The following UPK1B variants were observed in gnomAD, a reference collection of about 807,000 sequenced individuals.
UPK1B encodes uroplakin 1B, also known as uroplakin-1b.
Under a neutral mutation model 34.2 loss-of-function variants are expected in UPK1B, and 28 were observed. The observed-to-expected ratio is 0.82, with a 90% CI of 0.61 to 1.12. The LOEUF (loss-of-function observed/expected upper bound fraction) is 1.12. UPK1B is among the 50% of genes most tolerant of loss of function. The pLI is 0.00. For synonymous variants in UPK1B, 81 were observed against 110.4 expected (o/e 0.73, Z 1.67); for missense variants, 325 against 320.9 (o/e 1.01, Z -0.10).
chr3:119,179,805 CTTTTTTTT>C lies in UPK1B; in HGVS notation c.-29+6197_-29+6204del, dbSNP rs869040325. 5.3e-3 allele frequency among the ~76,000 whole-genome samples: 268 copies of C among 50,576 alleles called. 44 individuals carry two copies. Among genetic ancestry groups the C allele is most frequent in the African/African-American group, 7.0e-3 (84 of 12,036 alleles). 33.2% of individuals were successfully genotyped at this position (50,576 alleles called of 152,430 possible). Reference sequence around the variant, plus strand: ...TACAGGCGTGAGCCACCACGCCCGGCTTTTTTTTTTTTTTTTTTTTTTTTTTTTTTTTT... The same window carrying C: ...TACAGGCGTGAGCCACCACGCCCGGCTTTTTTTTTTTTTTTTTTTTTTTTT... On this transcript the variant is annotated intron_variant, in intron 1 of 7. Coordinates refer to ENST00000264234, the MANE Select transcript of UPK1B (RefSeq NM_006952.4).
chr3:119,199,124 C>T lies in UPK1B; in HGVS notation c.716C>T (p.Ala239Val). 1 of 1,614,144 alleles carries T rather than the reference C, an allele frequency of 6.2e-7. No individual in the cohort carries two copies. Among genetic ancestry groups the T allele is most frequent in the South Asian group, 1.1e-5 (1 of 91,082 alleles). The change falls in exon 7 of 8, where the codon GCC becomes GTC. Residue 239 changes from alanine to valine, a missense_variant. By Grantham distance (64) the Ala-to-Val change is moderately conservative. Transcript: ENST00000264234. ...HAWGVAWFGF[A>V]ILCWTFWVLL... ...TGGGGGGTTGCCTGGTTTGGATTTG[C>T]CATTCTCTGCTGGACTGTGAGTATT...
rs978416578 is a variant in UPK1B, at chr3:119,204,089, G to C, written c.*122G>C. On this transcript the variant is annotated 3_prime_UTR_variant, in exon 8 of 8. Transcript: ENST00000264234. Reference sequence around the variant, plus strand: ...TAACGTGTGTGTCTTACATTGCCAAGTCAGATGGTACGGACTTCCTTTAGG... The same window carrying C: ...TAACGTGTGTGTCTTACATTGCCAACTCAGATGGTACGGACTTCCTTTAGG... 39 of 1,133,364 alleles carry C rather than the reference G, an allele frequency of 3.4e-5. No homozygotes were observed. The African/African-American group carries it at 4.9e-4, about 14-fold the overall frequency. The allele number at this position is 1,133,364 out of a possible 1,614,324, so 70.2% of individuals were successfully genotyped here.
rs2078113438 is a variant in UPK1B at position 119,205,007 on chromosome 3, T to C, written c.*1040T>C. ...GAGAGAAGCAAGCCAGCCAATAGAA[T>C]GGGGTGATTTACAGGGATTTCTGTT... On this transcript the variant is annotated 3_prime_UTR_variant, in exon 8 of 8. Coordinates refer to ENST00000264234, the MANE Select transcript of UPK1B (RefSeq NM_006952.4). The C allele has an allele frequency of 1.3e-5, 2 of 152,184 alleles. No individual in the cohort carries two copies. The highest frequency in any genetic ancestry group is 4.8e-5 in the African/African-American group (2 of 41,444). 9.4% of individuals were successfully genotyped at this position (152,184 alleles called of 1,614,324 possible). A position where few individuals can be genotyped will look rare whatever the true frequency, so the allele number is the denominator to read the frequency against.
intron 1 of UPK1B, among the ~76,000 whole-genome samples, chr3:119,174,580 T>TA (rs1456882249): frequency 1.3e-5 from 2 of 152,002 alleles, no homozygotes; most frequent in South Asian, 4.1e-4. Flanking sequence ...ATCCTGTCTC[T>TA]AAAAAAAATA....
Position 119,190,397 on chromosome 3 carries a change from G to A in UPK1B, c.345+78G>A, listed in dbSNP as rs997456251. On this transcript the variant is annotated intron_variant, in intron 4 of 7. Coordinates refer to ENST00000264234, the MANE Select transcript of UPK1B (RefSeq NM_006952.4). ...CCAACATGTATTAACCCCTTACTAT[G>A]TGCCCAGGCAATCCAATATGCACAG... 6 of 1,093,106 alleles carry A rather than the reference G, an allele frequency of 5.5e-6. No individual in the cohort carries two copies. In the Admixed American group the frequency reaches 9.2e-5, roughly 17 times the overall value. The allele number at this position is 1,093,106 out of a possible 1,614,324, so 67.7% of individuals were successfully genotyped here.
chr3:119,190,203 C>A, intron 3 of UPK1B, 42 bp from the exon 4 acceptor site: 1 of 1,444,632 alleles, frequency 6.9e-7, no homozygotes, highest in Non-Finnish European at 9.6e-7. Context: ...CGCTCTTTGA[C>A]GGGTAAATGT....
chr3:119,199,787 T>G (rs995410475), intron 7 of UPK1B, among the ~76,000 whole-genome samples: 2 of 152,234 alleles, frequency 1.3e-5, no homozygotes, highest in African/African-American at 4.8e-5. Flanking sequence ...AACCATTGCC[T>G]TAGAGAAGCA....
rs1403150906 is a variant in UPK1B, at chr3:119,204,244, T to G, written c.*277T>G. ...AACTACTTCCATCCCTGCTTATTTT[T>G]AATTTGGGAAAATAAATACATTCGA... On this transcript the variant is annotated 3_prime_UTR_variant, in exon 8 of 8. Transcript: ENST00000264234. 1.5e-5 allele frequency: 6 copies of G among 406,350 alleles called. No homozygotes were observed. Among genetic ancestry groups the G allele is most frequent in the Non-Finnish European group, 2.2e-5 (5 of 227,594 alleles). The allele number at this position is 406,350 out of a possible 1,614,324, so 25.2% of individuals were successfully genotyped here.
At chr3:119,188,260 T>C (rs527244138) in intron 3 of UPK1B, among the ~76,000 whole-genome samples, 1 of 152,156 alleles carries the variant, frequency 6.6e-6, no homozygotes, top group Non-Finnish European at 1.5e-5. Flanking sequence ...GGTGTCTGCA[T>C]ACACCCAGTA....
At chr3:119,193,644 T>C (rs2078053123) in intron 5 of UPK1B, among the ~76,000 whole-genome samples, 2 of 152,186 alleles carry the variant, frequency 1.3e-5, no homozygotes, top group African/African-American at 4.8e-5. Flanking sequence ...TTTAAATGTA[T>C]AGAAAAGCAA....
In UPK1B at chr3:119,187,893, T is replaced by C. The variant is rs199631618; in HGVS notation, c.188T>C (p.Ile63Thr). ...ATCTATGGGGCTGCCTGGATCGGCA[T>C]ATTTGTGGGCATCTGCCTCTTCTGC... ...DDIYGAAWIGIFVGICLFCLS... is the reference protein window; with the variant it reads ...DDIYGAAWIGTFVGICLFCLS... The change falls in exon 3 of 8, where the codon ATA becomes ACA. Residue 63 changes from isoleucine (I) to threonine (T), a missense_variant. Ile to Thr is a moderately conservative substitution (Grantham distance 89, BLOSUM62 -1). Coordinates refer to ENST00000264234, the MANE Select transcript of UPK1B (RefSeq NM_006952.4). 34 of 1,614,110 alleles carry C rather than the reference T, an allele frequency of 2.1e-5. No homozygotes were observed. In the East Asian group the frequency reaches 6.9e-4, roughly 33 times the overall value.
At chr3:119,202,076 A>AAGGGT (rs1447899147) in intron 7 of UPK1B, among the ~76,000 whole-genome samples, 1 of 152,202 alleles carries the variant, frequency 6.6e-6, no homozygotes, top group Non-Finnish European at 1.5e-5. Context: ...AAGGGAAGGG[A>AAGGGT]AGGGAATTAA....
At chr3:119,190,850 G>A in intron 4 of UPK1B, 132 bp from the exon 5 acceptor site, 1 of 1,277,844 alleles carries the variant, frequency 7.8e-7, no homozygotes, top group Non-Finnish European at 1.1e-6. Context: ...GCTGTACTTG[G>A]TGCCTCTGAG....
intron 1 of UPK1B, among the ~76,000 whole-genome samples, chr3:119,174,858 C>G (rs1163675551): frequency 6.8e-6 from 1 of 147,214 alleles, no homozygotes; most frequent in East Asian, 2.0e-4. Flanking sequence ...GTTTTGCTTT[C>G]TGCTATAAAA....
rs1277408532 is a variant in UPK1B at position 119,194,493 on chromosome 3, G to A, written c.648+95G>A. 5 of 1,151,840 alleles carry A rather than the reference G, an allele frequency of 4.3e-6. No individual in the cohort carries two copies. The African/African-American group carries it at 6.2e-5, about 14-fold the overall frequency. 71.4% of individuals were successfully genotyped at this position (1,151,840 alleles called of 1,614,324 possible). A position where few individuals can be genotyped will look rare whatever the true frequency, so the allele number is the denominator to read the frequency against. On this transcript the variant is annotated intron_variant, in intron 6 of 7. Transcript: ENST00000264234. The stretch of plus-strand genomic sequence containing the variant: ...CTGTAGGAAATAGTCTTTCAGTAAG[G>A]AATTCTACATTCTTTTCCCTAAACC...
At chr3:119,179,381 ATATATATATATATATAT>A (rs1430634282) in intron 1 of UPK1B, among the ~76,000 whole-genome samples, 11 of 87,704 alleles carry the variant, frequency 1.3e-4, no homozygotes, top group Non-Finnish European at 2.4e-4. Context: ...ATATATATAT[ATATATATATATATATAT>A]TAATTCTAAG....
At chr3:119,203,495 T>C (rs1344665537) in intron 7 of UPK1B, among the ~76,000 whole-genome samples, 1 of 152,206 alleles carries the variant, frequency 6.6e-6, no homozygotes, top group East Asian at 1.9e-4. Context: ...ATCATGTTTT[T>C]GCAGGGACAT....
In UPK1B at chr3:119,203,919, T is replaced by C; in HGVS notation, c.735T>C (p.Phe245=). 1 of 1,614,072 alleles carries C rather than the reference T, an allele frequency of 6.2e-7. No individual in the cohort carries two copies. Among genetic ancestry groups the C allele is most frequent in the East Asian group, 2.2e-5 (1 of 44,888 alleles). ...WFGFAILCWT[F]WVLLGTMFYW... Reference sequence around the variant, plus strand: ...TTCCTTGTTTTTTTCTATTCCAGTTTTGGGTTCTCCTGGGTACCATGTTCT... The same window carrying C: ...TTCCTTGTTTTTTTCTATTCCAGTTCTGGGTTCTCCTGGGTACCATGTTCT... Residue 245 remains phenylalanine, a splice_region_variant and synonymous_variant, in exon 8 of 8, where the codon TTT becomes TTC. Coordinates refer to ENST00000264234, the MANE Select transcript of UPK1B (RefSeq NM_006952.4).
chr3:119,190,886 T>C lies in UPK1B; in HGVS notation c.346-96T>C. The C allele has an allele frequency of 3.9e-6, 6 of 1,532,042 alleles. No homozygotes were observed. The South Asian group carries it at 7.5e-5, about 19-fold the overall frequency. 94.9% of individuals were successfully genotyped at this position (1,532,042 alleles called of 1,614,324 possible). On this transcript the variant is annotated intron_variant, in intron 4 of 7. Transcript: ENST00000264234. ...TACAGTTTTGCTCCAGGAGAGAATG[T>C]TCAGTGTCCCCAGGAAAAGACAGAG...
Sources: gnomAD v4.1 joint callset for allele counts (sites outside exome capture counted in the v4.1 genomes callset) on GRCh38, gnomAD v4.1.1 for gene constraint, MANE v1.5 for transcripts, NCBI Gene and HGNC (gene_info 2026-07-23, HGNC 2026-07-21) for gene names.